The following NCALD variants were observed in gnomAD, a reference collection of about 807,000 sequenced individuals.
NCALD encodes the protein neurocalcin delta, also known as neurocalcin-delta.
Under a neutral mutation model 18.6 loss-of-function variants are expected in NCALD, and 10 were observed. The ratio of observed to expected loss-of-function variants is 0.54; its 90% CI spans 0.33 to 0.91. The LOEUF is 0.91. NCALD is among the 40% of genes least tolerant of loss of function. NCALD has a pLI of 0.03. For missense variants in NCALD, 184 were observed against 247.6 expected (o/e 0.74, Z 1.72); for synonymous variants, 88 against 87.4 (o/e 1.01, Z -0.04).
chr8:101,721,346 G>A (rs1258258271), intron 1 of NCALD: 2 of 152,478 alleles, frequency 1.3e-5, no homozygotes, highest in Admixed American at 6.5e-5. Flanking sequence ...GGGTTGCTTC[G>A]TCTTCCTAGA....
chr8:101,892,885 G>T (rs1265977301), intron 3 of NCALD, among the ~76,000 whole-genome samples: 2 of 149,740 alleles, frequency 1.3e-5, no homozygotes, highest in Admixed American at 6.6e-5. Context: ...ATCTACATCT[G>T]ATTGGTGTAC....
chr8:101,714,763 G>A (rs988555938), intron 2 of NCALD, among the ~76,000 whole-genome samples: 10 of 150,218 alleles, frequency 6.7e-5, no homozygotes, highest in Non-Finnish European at 8.8e-5. Flanking sequence ...TTGGGAGGCC[G>A]AGGCGGGTGG....
intron 1 of NCALD, among the ~76,000 whole-genome samples, chr8:101,734,919 G>T (rs1563711792): frequency 6.6e-6 from 1 of 152,204 alleles, no homozygotes; most frequent in Non-Finnish European, 1.5e-5. Context: ...TGCTCTGAAT[G>T]GGTCCAAAGC....
At chr8:101,981,938 G>C (rs1220636802) in intron 2 of NCALD, among the ~76,000 whole-genome samples, 1 of 152,124 alleles carries the variant, frequency 6.6e-6, no homozygotes, top group Non-Finnish European at 1.5e-5. Context: ...CATGGGGATG[G>C]ATCCCTATGA....
At chr8:101,738,753 G>A (rs1400551635) in intron 1 of NCALD, among the ~76,000 whole-genome samples, 10 of 152,120 alleles carry the variant, frequency 6.6e-5, no homozygotes, top group African/African-American at 2.4e-4. Flanking sequence ...GTGTGACCCT[G>A]AGGAACTCAT....
rs573005934 is a variant in NCALD at position 101,718,178 on chromosome 8, G to A, written c.378+1074C>T. The stretch of plus-strand genomic sequence containing the variant: ...CTGGAAACACTGTGGGCCTGTGAAT[G>A]GACTGAGGTGCTTTACAGTGAAGAA... On this transcript the variant is annotated intron_variant, in intron 2 of 3. Coordinates refer to ENST00000220931, the MANE Select transcript of NCALD (RefSeq NM_032041.3). 5.9e-4 allele frequency among the ~76,000 whole-genome samples: 90 copies of A among 152,294 alleles called. 1 individual carries two copies. The South Asian group carries it at 0.015, about 26-fold the overall frequency.
At chr8:101,992,259 T>A (rs1479628944) in intron 2 of NCALD, among the ~76,000 whole-genome samples, 1 of 152,220 alleles carries the variant, frequency 6.6e-6, no homozygotes, top group Non-Finnish European at 1.5e-5. Context: ...CTTTCCTTTC[T>A]TCTGCCCTAA....
chr8:102,061,941 T>C lies in NCALD; in HGVS notation c.-209-41652A>G, dbSNP rs374012801. Among the ~76,000 whole-genome samples the C allele has an allele frequency of 9.1e-4, 138 of 152,336 alleles. 4 individuals carry two copies. The South Asian group carries it at 0.028, about 30-fold the overall frequency. On this transcript the variant is annotated intron_variant, in intron 1 of 6. Coordinates refer to the NCALD transcript ENST00000311028. ...TATTTTTTCATCTATTTTTATATTC[T>C]TTCTAGACATTTCTAGACATGAGTC...
intron 4 of NCALD, among the ~76,000 whole-genome samples, chr8:101,815,773 TC>T (rs1813473307): frequency 6.6e-6 from 1 of 152,114 alleles, no homozygotes; most frequent in Non-Finnish European, 1.5e-5. Flanking sequence ...TAATATATGA[TC>T]CAGCAATCAC....
intron 1 of NCALD, among the ~76,000 whole-genome samples, chr8:102,035,725 C>T (rs1055406689): frequency 2.0e-5 from 3 of 152,186 alleles, no homozygotes; most frequent in African/African-American, 7.2e-5. Flanking sequence ...CAGGTAGTCA[C>T]AATATTTACC....
rs183240131 is a variant in NCALD, at chr8:101,757,877, G to A, written c.-20+32985C>T. 1.8e-3 allele frequency among the ~76,000 whole-genome samples: 279 copies of A among 152,232 alleles called. 2 individuals are homozygous for A. The East Asian group carries it at 0.024, about 13-fold the overall frequency. ...CTCATTTCCTAACCCAACCATCAGA[G>A]AGGCTATTTTAACAATTTTTTTAGA... On this transcript the variant is annotated intron_variant, in intron 1 of 3. Coordinates refer to ENST00000220931, the MANE Select transcript of NCALD (RefSeq NM_032041.3).
At chr8:101,749,000 G>A (rs960048754) in intron 1 of NCALD, among the ~76,000 whole-genome samples, 3 of 152,132 alleles carry the variant, frequency 2.0e-5, no homozygotes, top group Non-Finnish European at 4.4e-5. Context: ...GTGTGCATGC[G>A]CGGTATGTGT....
intron 1 of NCALD, among the ~76,000 whole-genome samples, chr8:102,096,263 C>G (rs1385822732): frequency 1.3e-5 from 2 of 152,218 alleles, no homozygotes; most frequent in African/African-American, 2.4e-5. Flanking sequence ...AGGCCTCTCT[C>G]TTGACTGTAG....
At chr8:102,096,178 C>A (rs1825091499) in intron 1 of NCALD, among the ~76,000 whole-genome samples, 1 of 152,234 alleles carries the variant, frequency 6.6e-6, no homozygotes, top group Non-Finnish European at 1.5e-5. Context: ...ACAAGGCCAG[C>A]AGGCTGAAGA....
intron 1 of NCALD, among the ~76,000 whole-genome samples, chr8:102,030,865 G>A (rs1822643336): frequency 6.6e-6 from 1 of 150,662 alleles, no homozygotes; most frequent in African/African-American, 2.5e-5. Flanking sequence ...AACAGAGTGA[G>A]ACTCCATCAC....
intron 3 of NCALD, among the ~76,000 whole-genome samples, chr8:101,911,361 C>CT (rs56017823): frequency 0.088 from 12,145 of 137,640 alleles, 693 homozygotes; most frequent in African/African-American, 0.14. Context: ...TTTTTCTTTT[C>CT]TTTTTTTTTT....
At chr8:101,992,790 G>A (rs925559372) in intron 2 of NCALD, among the ~76,000 whole-genome samples, 7 of 151,904 alleles carry the variant, frequency 4.6e-5, no homozygotes, top group South Asian at 2.1e-4. Context: ...GCCCAGGCCT[G>A]GCACACAACA....
intron 2 of NCALD, among the ~76,000 whole-genome samples, chr8:101,700,085 A>C (rs993237685): frequency 6.6e-6 from 1 of 150,816 alleles, no homozygotes; most frequent in Non-Finnish European, 1.5e-5. Context: ...TTTTGAGAAA[A>C]GGTCTCATTC....
chr8:101,740,509 T>A (rs1810140691), intron 1 of NCALD, among the ~76,000 whole-genome samples: 1 of 152,182 alleles, frequency 6.6e-6, no homozygotes, highest in Non-Finnish European at 1.5e-5. Context: ...CTGCAGGGTA[T>A]CTCATGGTAG....
Sources: allele counts gnomAD v4.1 joint callset (sites outside exome capture counted in the v4.1 genomes callset), GRCh38; gene constraint gnomAD v4.1.1; transcripts MANE v1.5; gene names NCBI Gene and HGNC (gene_info 2026-07-23, HGNC 2026-07-21).